The following PDE1A variants were observed in gnomAD, a reference collection of about 807,000 sequenced individuals.
PDE1A encodes phosphodiesterase 1A.
PDE1A carries 35 observed loss-of-function variants against 61.7 expected under a neutral mutation model. The observed-to-expected ratio is 0.57, with a 90% confidence interval of 0.43 to 0.75. PDE1A has a LOEUF of 0.75. PDE1A is among the 30% of genes least tolerant of loss of function. PDE1A has a pLI of 0.00. For synonymous variants in PDE1A, 232 were observed against 213.2 expected, an observed-to-expected ratio of 1.09 and a Z score of -0.77; for missense variants, 597 against 630.6, an observed-to-expected ratio of 0.95 and a Z score of 0.57.
chr2:182,544,319 A>G, the PDE1A span, among the ~76,000 whole-genome samples: 1 of 152,190 alleles, frequency 6.6e-6, no homozygotes, highest in Non-Finnish European at 1.5e-5. Flanking sequence ...TAATTGAAGT[A>G]AAATACAGCT....
intron 1 of PDE1A, among the ~76,000 whole-genome samples, chr2:182,281,164 A>G (rs138498896): frequency 6.6e-6 from 1 of 152,072 alleles, no homozygotes; most frequent in East Asian, 1.9e-4. Context: ...TCTAAAATGC[A>G]TGAGTCATTT....
At chr2:182,183,038 A>G (rs1684899856) in intron 13 of PDE1A, among the ~76,000 whole-genome samples, 3 of 152,172 alleles carry the variant, frequency 2.0e-5, no homozygotes, top group Non-Finnish European at 2.9e-5. Context: ...TAGTAGCCCT[A>G]TAACCCTTAT....
chr2:182,323,784 T>A (rs1696861354), intron 1 of PDE1A, among the ~76,000 whole-genome samples: 1 of 152,180 alleles, frequency 6.6e-6, no homozygotes, highest in Admixed American at 6.5e-5. Context: ...GGCACCCTGT[T>A]TCTGCCAGAG....
intron 1 of PDE1A, among the ~76,000 whole-genome samples, chr2:182,275,471 G>A (rs780634208): frequency 1.4e-4 from 22 of 152,074 alleles, no homozygotes; most frequent in South Asian, 1.2e-3. Flanking sequence ...GCCCAGAACC[G>A]CAATACACAG....
the PDE1A span, among the ~76,000 whole-genome samples, chr2:182,598,562 CAA>C: frequency 1.5e-5 from 2 of 129,462 alleles, no homozygotes. Context: ...AACTCTGTCT[CAA>C]AAAAAAAAAA....
chr2:182,341,465 G>C (rs1698179341), intron 1 of PDE1A, among the ~76,000 whole-genome samples: 2 of 152,096 alleles, frequency 1.3e-5, no homozygotes, highest in Non-Finnish European at 2.9e-5. Flanking sequence ...TCTTTGTTTA[G>C]TCCCATGGTA....
chr2:182,577,424 C>T, the PDE1A span, among the ~76,000 whole-genome samples: 24 of 152,256 alleles, frequency 1.6e-4, no homozygotes, highest in African/African-American at 5.5e-4. Flanking sequence ...AAACTCTTTC[C>T]CCCAGATGGC....
At chr2:182,227,431 A>T (rs1450239546) in intron 6 of PDE1A, among the ~76,000 whole-genome samples, 1 of 152,060 alleles carries the variant, frequency 6.6e-6, no homozygotes, top group Non-Finnish European at 1.5e-5. Flanking sequence ...GTATCTAAAA[A>T]CACATAATTA....
intron 2 of PDE1A, among the ~76,000 whole-genome samples, chr2:182,258,713 C>T (rs1334887308): frequency 6.6e-6 from 1 of 152,110 alleles, no homozygotes. Context: ...CTCATTAATA[C>T]TCAAAAATGC....
At chr2:182,494,090 G>T (rs1688563757) in intron 2 of PDE1A, among the ~76,000 whole-genome samples, 1 of 152,094 alleles carries the variant, frequency 6.6e-6, no homozygotes, top group Non-Finnish European at 1.5e-5. Flanking sequence ...AAACAATCGA[G>T]GTAGGCTTTA....
intron 1 of PDE1A, 63 bp downstream of exon 1, chr2:182,426,515 G>A: frequency 2.6e-6 from 3 of 1,151,682 alleles, no homozygotes; most frequent in Non-Finnish European, 3.9e-6. Flanking sequence ...CCAAATTAAG[G>A]ATGAAGGGAG....
intron 1 of PDE1A, among the ~76,000 whole-genome samples, chr2:182,383,994 C>A (rs528120413): frequency 6.6e-5 from 10 of 152,270 alleles, no homozygotes; most frequent in African/African-American, 2.4e-4. Flanking sequence ...TGCCTTGGTG[C>A]CATATTGGAG....
rs967241041 is a variant in PDE1A, at chr2:182,275,155, G to T, written c.54-10741C>A. On this transcript the variant is annotated intron_variant, in intron 1 of 13. Coordinates refer to ENST00000351439, the Ensembl canonical transcript of PDE1A. ...AGCTTTTGGAGGGTCAAAAGAGGGA[G>T]GCAGGATCACCAGACCCCAGTGGCT... Among the ~76,000 whole-genome samples the T allele has an allele frequency of 2.0e-5, 3 of 152,160 alleles. No homozygotes were observed. In the South Asian group the frequency reaches 6.2e-4, roughly 32 times the overall value.
intron 2 of PDE1A, among the ~76,000 whole-genome samples, chr2:182,450,432 T>C (rs568430705): frequency 2.0e-5 from 3 of 152,218 alleles, no homozygotes; most frequent in Non-Finnish European, 4.4e-5. Flanking sequence ...CTCCACCTCA[T>C]GTCATGTGCC....
At chr2:182,412,848 C>A (rs920191467) in intron 1 of PDE1A, among the ~76,000 whole-genome samples, 3 of 152,120 alleles carry the variant, frequency 2.0e-5, no homozygotes, top group Admixed American at 2.0e-4. Context: ...AACAATGACA[C>A]AAATTACTGA....
intron 2 of PDE1A, among the ~76,000 whole-genome samples, chr2:182,492,968 T>C (rs1688484266): frequency 7.0e-6 from 1 of 142,020 alleles, no homozygotes; most frequent in African/African-American, 2.7e-5. Context: ...AATGCCCACA[T>C]GTACAATTAT....
chr2:182,658,315 C>CAATT, the PDE1A span, among the ~76,000 whole-genome samples: 1 of 152,184 alleles, frequency 6.6e-6, no homozygotes, highest in East Asian at 1.9e-4. Context: ...CCTTGCCTTG[C>CAATT]AATTGTAACA....
chr2:182,239,499 A>T (rs193175410), intron 3 of PDE1A, among the ~76,000 whole-genome samples: 109 of 152,308 alleles, frequency 7.2e-4, no homozygotes, highest in Non-Finnish European at 1.2e-3. Flanking sequence ...GGGCTGAAAG[A>T]ATGTAAAATT....
the PDE1A span, among the ~76,000 whole-genome samples, chr2:182,653,760 T>G: frequency 6.6e-6 from 1 of 152,198 alleles, no homozygotes; most frequent in Non-Finnish European, 1.5e-5. Context: ...GCAGCACTAG[T>G]AGCCCACTCA....
Sources: gnomAD v4.1 joint callset for allele counts (sites outside exome capture counted in the v4.1 genomes callset) on GRCh38, gnomAD v4.1.1 for gene constraint, MANE v1.5 for transcripts, NCBI Gene and HGNC (gene_info 2026-07-23, HGNC 2026-07-21) for gene names.